The following NHS variants were observed in gnomAD, a reference collection of about 807,000 sequenced individuals.
NHS encodes NHS actin remodeling regulator.
Under a neutral mutation model 72.5 loss-of-function variants are expected in NHS, and 5 were observed. That is an observed-to-expected ratio of 0.07 (90% CI 0.04 to 0.14). The LOEUF (loss-of-function observed/expected upper bound fraction) is 0.14. NHS is among the 10% of genes least tolerant of loss of function. The probability of loss-of-function intolerance (pLI) is 1.00; values close to 1 mark genes in which losing one functional copy is unlikely to be tolerated. For missense variants in NHS, 1,072 were observed against 1,355.7 expected, an observed-to-expected ratio of 0.79 and a Z score of 3.29; for synonymous variants, 464 against 547.7, an observed-to-expected ratio of 0.85 and a Z score of 2.13.
intron 1 of NHS, among the ~76,000 whole-genome samples, chrX:17,623,972 T>C (rs2065786389): frequency 8.9e-6 from 1 of 112,890 alleles, no homozygotes; most frequent in South Asian, 3.6e-4. Flanking sequence ...TCATTGGAGT[T>C]GTAGGTCTCA....
At chrX:17,434,052 C>T (rs2064708174) in intron 1 of NHS, among the ~76,000 whole-genome samples, 2 of 111,836 alleles carry the variant, frequency 1.8e-5, no homozygotes, top group African/African-American at 3.3e-5. Flanking sequence ...TTGGAGTCCT[C>T]CACTGGATGT....
At chrX:17,696,027 G>A (rs1261992396) in intron 3 of NHS, among the ~76,000 whole-genome samples, 1 of 110,073 alleles carries the variant, frequency 9.1e-6, no homozygotes, top group Non-Finnish European at 1.9e-5. Context: ...GGGACATGAA[G>A]TTACTGTGGA....
chrX:17,711,160 C>T (rs1291348081), intron 3 of NHS, among the ~76,000 whole-genome samples: 1 of 112,410 alleles, frequency 8.9e-6, no homozygotes, highest in East Asian at 2.8e-4. Context: ...TTGGTTCTAG[C>T]AACCTTTGAG....
chrX:17,706,588 G>T (rs749825757), intron 3 of NHS, among the ~76,000 whole-genome samples: 30 of 111,207 alleles, frequency 2.7e-4, no homozygotes, highest in Non-Finnish European at 5.1e-4. Flanking sequence ...GCTTCTGATG[G>T]ATATATGACT....
At chrX:17,514,644 T>C (rs1174075217) in intron 1 of NHS, among the ~76,000 whole-genome samples, 1 of 111,835 alleles carries the variant, frequency 8.9e-6, no homozygotes, top group Non-Finnish European at 1.9e-5. Context: ...CTCCCCTTCA[T>C]CTATACATAT....
rs7050283 is a variant in NHS, at chrX:17,482,919, G to A, written c.565+106597G>A. On this transcript the variant is annotated intron_variant, in intron 1 of 8. Transcript: ENST00000676302. ...TTACTAGAGGCTATGGGGAGGGGATGGGGAATGGAGACATTTTGATCAGTG... is the reference window on the plus strand; with the variant it reads ...TTACTAGAGGCTATGGGGAGGGGATAGGGAATGGAGACATTTTGATCAGTG... 6.4e-3 allele frequency among the ~76,000 whole-genome samples: 722 copies of A among 112,391 alleles called. 6 individuals are homozygous for A. The highest frequency in any genetic ancestry group is 0.022 in the African/African-American group (692 of 30,981).
chrX:17,680,447 A>C (rs1427653054), intron 1 of NHS, among the ~76,000 whole-genome samples: 1 of 112,905 alleles, frequency 8.9e-6, no homozygotes, highest in African/African-American at 3.2e-5. Flanking sequence ...TTTGACTGCT[A>C]TTCAGAGTAA....
chrX:17,646,099 T>C (rs2065904735), intron 1 of NHS, among the ~76,000 whole-genome samples: 1 of 111,483 alleles, frequency 9.0e-6, no homozygotes. Flanking sequence ...TTAGCCACCA[T>C]GCCCAGCTAA....
intron 1 of NHS, among the ~76,000 whole-genome samples, chrX:17,570,654 C>A (rs1000341034): frequency 9.0e-6 from 1 of 111,604 alleles, no homozygotes; most frequent in Non-Finnish European, 1.9e-5. Context: ...ATCTGAATAC[C>A]CTTTATTGCT....
intron 1 of NHS, among the ~76,000 whole-genome samples, chrX:17,394,253 G>GC (rs1870405460): frequency 8.9e-6 from 1 of 111,741 alleles, no homozygotes; most frequent in Non-Finnish European, 1.9e-5. Flanking sequence ...GTCGTGAAAA[G>GC]CCCCTGGGGG....
At chrX:17,530,818 G>A (rs754871848) in intron 1 of NHS, among the ~76,000 whole-genome samples, 37 of 110,581 alleles carry the variant, frequency 3.3e-4, no homozygotes, top group African/African-American at 1.2e-3. Flanking sequence ...TCACTCTGCC[G>A]CCCAGGTTTG....
intron 1 of NHS, among the ~76,000 whole-genome samples, chrX:17,628,397 G>C (rs2147066518): frequency 8.9e-6 from 1 of 112,261 alleles, no homozygotes; most frequent in South Asian, 3.7e-4. Flanking sequence ...TTTGATATGG[G>C]AACTCTTTAT....
At chrX:17,387,428 T>C (rs1286016837) in intron 1 of NHS, among the ~76,000 whole-genome samples, 1 of 111,861 alleles carries the variant, frequency 8.9e-6, no homozygotes, top group Non-Finnish European at 1.9e-5. Context: ...GGCATGTTGG[T>C]CACAGAATAA....
intron 1 of NHS, among the ~76,000 whole-genome samples, chrX:17,459,490 T>C (rs933303343): frequency 9.8e-5 from 11 of 112,618 alleles, no homozygotes; most frequent in African/African-American, 3.2e-4. Flanking sequence ...ACAAGAATTG[T>C]ATGCTTGGGA....
At chrX:17,469,951 G>GTTTGTTT (rs373123840) in intron 1 of NHS, among the ~76,000 whole-genome samples, 100 of 111,558 alleles carry the variant, frequency 9.0e-4, no homozygotes, top group African/African-American at 3.2e-3. Flanking sequence ...TTGCTTGTTT[G>GTTTGTTT]TTTGTTTTTT....
At chrX:17,597,432 T>TC (rs1569290481) in intron 1 of NHS, among the ~76,000 whole-genome samples, 2 of 101,419 alleles carry the variant, frequency 2.0e-5, no homozygotes, top group East Asian at 6.2e-4. Context: ...GCTATTCTCT[T>TC]TTTTTTTTTT....
At chrX:17,569,793 T>C (rs2065465511) in intron 1 of NHS, among the ~76,000 whole-genome samples, 1 of 112,381 alleles carries the variant, frequency 8.9e-6, no homozygotes, top group Admixed American at 9.4e-5. Context: ...AGGATTAAAA[T>C]GGTACTAGGT....
At position 17,610,277 on chromosome X, in the gene NHS, G is replaced by A. The variant is rs192306263; in HGVS notation, c.566-77465G>A. 1.6e-3 allele frequency among the ~76,000 whole-genome samples: 178 copies of A among 111,701 alleles called. 2 individuals carry two copies. The highest frequency in any genetic ancestry group is 5.6e-3 in the African/African-American group (171 of 30,778). On this transcript the variant is annotated intron_variant, in intron 1 of 8. Coordinates refer to ENST00000676302, the MANE Select transcript of NHS (RefSeq NM_001291867.2). ...TGTGTATTATGGGTCTATAAAAATAGGACAAGGAAAAAGAACTAATATCAA... is the reference window on the plus strand; with the variant it reads ...TGTGTATTATGGGTCTATAAAAATAAGACAAGGAAAAAGAACTAATATCAA...
At chrX:17,695,430 G>A (rs936983861) in intron 3 of NHS, among the ~76,000 whole-genome samples, 1 of 112,054 alleles carries the variant, frequency 8.9e-6, no homozygotes, top group Non-Finnish European at 1.9e-5. Context: ...ATGGGAAAAT[G>A]TATATTTTAT....
Sources: gnomAD v4.1 joint callset for allele counts (sites outside exome capture counted in the v4.1 genomes callset) on GRCh38, gnomAD v4.1.1 for gene constraint, MANE v1.5 for transcripts, NCBI Gene and HGNC (gene_info 2026-07-23, HGNC 2026-07-21) for gene names.